The following NBDY variants were observed in gnomAD, a reference collection of about 807,000 sequenced individuals.
NBDY encodes P-body dissociating protein.
intron 2 of NBDY, among the ~76,000 whole-genome samples, chrX:56,797,340 T>G (rs1042819064): frequency 1.8e-5 from 2 of 110,031 alleles, no homozygotes; most frequent in Non-Finnish European, 3.8e-5. Flanking sequence ...CTTGTTCTTC[T>G]TTCTTTCCTT....
At chrX:56,734,509 C>T (rs1341197323) in intron 2 of NBDY, among the ~76,000 whole-genome samples, 1 of 112,653 alleles carries the variant, frequency 8.9e-6, no homozygotes, top group Non-Finnish European at 1.9e-5. Context: ...AGATATCAAA[C>T]ATTTTAAACT....
At chrX:56,753,719 G>A (rs1358141251) in intron 2 of NBDY, among the ~76,000 whole-genome samples, 1 of 111,647 alleles carries the variant, frequency 9.0e-6, no homozygotes. Flanking sequence ...AAGAAAGAGG[G>A]TGTGGTTAAC....
rs193054349 is a variant in NBDY, at chrX:56,792,599, A to T, written c.*167-24721A>T. Among the ~76,000 whole-genome samples, 3 of 110,750 alleles carry T rather than the reference A, an allele frequency of 2.7e-5. No homozygotes were observed. In the East Asian group the frequency reaches 8.6e-4, roughly 32 times the overall value. ...TCATGTCAAATACGCCCAAGCAGAC[A>T]CACACACACACAAACACACACAAGT... is the stretch of plus-strand genomic sequence containing the variant. On this transcript the variant is annotated intron_variant, in intron 2 of 2. Coordinates refer to ENST00000374922, the MANE Select transcript of NBDY (RefSeq NM_001348129.2).
intron 2 of NBDY, among the ~76,000 whole-genome samples, chrX:56,786,488 C>G (rs1227225324): frequency 9.0e-6 from 1 of 111,013 alleles, no homozygotes; most frequent in Non-Finnish European, 1.9e-5. Context: ...CTTCCTCCTT[C>G]TAATCCTCAT....
chrX:56,803,427 A>G (rs2069834196), intron 2 of NBDY, among the ~76,000 whole-genome samples: 1 of 111,545 alleles, frequency 9.0e-6, no homozygotes, highest in Non-Finnish European at 1.9e-5. Context: ...AAACGACCCC[A>G]GTCTCGGCCG....
At chrX:56,762,141 T>A (rs1432912514) in intron 2 of NBDY, among the ~76,000 whole-genome samples, 1 of 111,700 alleles carries the variant, frequency 9.0e-6, no homozygotes, top group Non-Finnish European at 1.9e-5. Context: ...TCACTCGTTA[T>A]GTATGTCACC....
At position 56,750,124 on chromosome X, in the gene NBDY, G is replaced by A. The variant is rs2069577067; in HGVS notation, c.*166+17925G>A. On this transcript the variant is annotated intron_variant, in intron 2 of 2. Coordinates refer to ENST00000374922, the MANE Select transcript of NBDY (RefSeq NM_001348129.2). ...CATTGGCACAGGAGAAATAAGATAA[G>A]AATGAGTGAAAATGCCGATTTTTAA... Among the ~76,000 whole-genome samples, 2 of 111,603 alleles carry A rather than the reference G, an allele frequency of 1.8e-5. 1 individual carries two copies. Among genetic ancestry groups the A allele is most frequent in the Admixed American group, 1.9e-4 (2 of 10,475 alleles).
At chrX:56,799,179 A>G (rs1602666673) in intron 2 of NBDY, among the ~76,000 whole-genome samples, 1 of 112,300 alleles carries the variant, frequency 8.9e-6, no homozygotes, top group East Asian at 2.8e-4. Context: ...AAGAATGGAC[A>G]GGCAGGGGCG....
chrX:56,814,929 TA>T (rs1396472438), intron 2 of NBDY, among the ~76,000 whole-genome samples: 4 of 111,234 alleles, frequency 3.6e-5, no homozygotes, highest in African/African-American at 1.3e-4. Flanking sequence ...ATAGAGAATA[TA>T]TTTTTGGAAT....
At chrX:56,750,467 T>A (rs867846784) in intron 2 of NBDY, among the ~76,000 whole-genome samples, 3 of 108,194 alleles carry the variant, frequency 2.8e-5, no homozygotes, top group Non-Finnish European at 5.8e-5. Context: ...CTGGGTTAAA[T>A]AAAAAAAATA....
At chrX:56,752,987 A>T (rs2069593297) in intron 2 of NBDY, among the ~76,000 whole-genome samples, 1 of 112,677 alleles carries the variant, frequency 8.9e-6, no homozygotes, top group Admixed American at 9.4e-5. Context: ...TAGAATGTTT[A>T]TCTAATGTGT....
intron 2 of NBDY, among the ~76,000 whole-genome samples, chrX:56,748,080 T>C (rs1427803533): frequency 9.0e-6 from 1 of 111,134 alleles, no homozygotes; most frequent in Non-Finnish European, 1.9e-5. Flanking sequence ...GGTCTTAAGG[T>C]CCATCAGCTG....
chrX:56,783,790 C>G (rs1213548933), intron 2 of NBDY, among the ~76,000 whole-genome samples: 3 of 112,759 alleles, frequency 2.7e-5, no homozygotes, highest in Non-Finnish European at 5.6e-5. Flanking sequence ...CTTCCCTTGC[C>G]TTTGTCTTTC....
chrX:56,797,111 CTCT>C (rs765336070), intron 2 of NBDY, among the ~76,000 whole-genome samples: 69 of 107,208 alleles, frequency 6.4e-4, no homozygotes, highest in Middle Eastern at 4.8e-3. Context: ...TTTTCTTTCC[CTCT>C]TCTTCTTTCT....
chrX:56,812,937 A>G (rs762557627), intron 2 of NBDY, among the ~76,000 whole-genome samples: 9 of 110,905 alleles, frequency 8.1e-5, no homozygotes, highest in Non-Finnish European at 1.5e-4. Flanking sequence ...CTTCACTTTC[A>G]TTTTTAAAGA....
At chrX:56,810,341 C>A (rs774659165) in intron 2 of NBDY, among the ~76,000 whole-genome samples, 2 of 111,237 alleles carry the variant, frequency 1.8e-5, no homozygotes, top group Non-Finnish European at 3.8e-5. Context: ...CATGAAGAGT[C>A]TTTTCCAACT....
intron 2 of NBDY, among the ~76,000 whole-genome samples, chrX:56,788,887 C>G (rs2069745265): frequency 8.9e-6 from 1 of 112,395 alleles, no homozygotes; most frequent in South Asian, 3.7e-4. Flanking sequence ...GGCAGGCACT[C>G]TTTGTTCTAG....
chrX:56,764,320 C>G (rs2069654613), intron 2 of NBDY, among the ~76,000 whole-genome samples: 1 of 112,129 alleles, frequency 8.9e-6, no homozygotes, highest in African/African-American at 3.2e-5. Context: ...CGGCCCCCGT[C>G]TCGGCCAGTG....
intron 2 of NBDY, among the ~76,000 whole-genome samples, chrX:56,803,601 G>C (rs1188280473): frequency 2.7e-5 from 3 of 110,673 alleles, no homozygotes; most frequent in African/African-American, 9.9e-5. Flanking sequence ...TCCTTCAAAG[G>C]TTTAAAACCG....
Sources: allele counts gnomAD v4.1 joint callset (sites outside exome capture counted in the v4.1 genomes callset), GRCh38; gene constraint gnomAD v4.1.1; transcripts MANE v1.5; gene names NCBI Gene and HGNC (gene_info 2026-07-23, HGNC 2026-07-21).